Variants in SS18 observed in about 807,000 individuals in gnomAD.
SS18 encodes SS18 subunit of BAF chromatin remodeling complex.
SS18 carries 28 observed loss-of-function variants against 72.5 expected under a neutral mutation model. The observed-to-expected ratio is 0.39, with a 90% CI of 0.29 to 0.53. The LOEUF is 0.53. Among genes scored for constraint, SS18 ranks in the 20% least tolerant of loss-of-function variants. The pLI is 0.76. For synonymous variants in SS18, 172 were observed against 164.2 expected (o/e 1.05, Z -0.37); for missense variants, 518 against 535.3 (o/e 0.97, Z 0.32).
intron 7 of SS18, among the ~76,000 whole-genome samples, chr18:26,037,267 C>A (rs934853536): frequency 6.6e-6 from 1 of 151,894 alleles, no homozygotes; most frequent in East Asian, 1.9e-4. Flanking sequence ...AAGGTTATAA[C>A]AATACACATG....
rs540738105 is a variant in SS18, at chr18:26,080,328, T to A, written c.147-2168A>T. On this transcript the variant is annotated intron_variant, in intron 2 of 10. Coordinates refer to ENST00000415083, the MANE Select transcript of SS18 (RefSeq NM_001007559.3). ...ACCTGTTTCAGTCTAGGCCTTCAAG[T>A]TTTCCTTTGCTTGAGTATTAGTATG... The A allele has an allele frequency of 6.2e-5, 61 of 985,368 alleles. No individual in the cohort carries two copies. In the African/African-American group the frequency reaches 1.0e-3, roughly 17 times the overall value. The allele number at this position is 985,368 out of a possible 1,614,324, so 61.0% of individuals were successfully genotyped here. A position where few individuals can be genotyped will look rare whatever the true frequency, so the allele number is the denominator to read the frequency against.
chr18:26,043,137 T>G (rs2053758974), intron 5 of SS18, among the ~76,000 whole-genome samples: 1 of 152,070 alleles, frequency 6.6e-6, no homozygotes, highest in Admixed American at 6.6e-5. Context: ...ACAACAACAT[T>G]TTAAGGCTCA....
At chr18:26,030,235 G>A (rs1323918037) in intron 10 of SS18, among the ~76,000 whole-genome samples, 1 of 152,026 alleles carries the variant, frequency 6.6e-6, no homozygotes. Flanking sequence ...TCTTCCCCAT[G>A]CTTCTGCTTT....
rs763831615 is a variant in SS18, at chr18:26,035,964, C to T, written c.881-41G>A. Reference sequence around the variant, plus strand: ...AAGAGACAGGAAGAAACGTTAATGGCCACTGAGTGAAAACCCTAAAAATAT... The same window carrying T: ...AAGAGACAGGAAGAAACGTTAATGGTCACTGAGTGAAAACCCTAAAAATAT... On this transcript the variant is annotated intron_variant, in intron 7 of 10. Transcript: ENST00000415083. This position sits in a 1 kb window ranked among gnomAD's most constrained non-coding sequence, Gnocchi z 4.4. 1 of 1,273,964 alleles carries T rather than the reference C, an allele frequency of 7.8e-7. No individual in the cohort carries two copies. Among genetic ancestry groups the T allele is most frequent in the East Asian group, 2.4e-5 (1 of 41,588 alleles). 78.9% of individuals were successfully genotyped at this position (1,273,964 alleles called of 1,614,324 possible). A position where few individuals can be genotyped will look rare whatever the true frequency, so the allele number is the denominator to read the frequency against.
At chr18:26,063,762 C>T (rs371563974) in intron 3 of SS18, among the ~76,000 whole-genome samples, 14 of 151,936 alleles carry the variant, frequency 9.2e-5, no homozygotes, top group African/African-American at 3.1e-4. Context: ...GCAAATCAAA[C>T]CCAAAGTAGT....
chr18:26,039,457 C>T lies in SS18; in HGVS notation c.608-1G>A. 6.2e-7 allele frequency: 1 copy of T among 1,612,034 alleles called. No homozygotes were observed. Among genetic ancestry groups the T allele is most frequent in the Non-Finnish European group, 8.5e-7 (1 of 1,178,748 alleles). On this transcript the variant is annotated splice_acceptor_variant, in intron 5 of 10. Transcript: ENST00000415083. LOFTEE classifies it high-confidence loss of function. ...GGAGGCTGCTGATGCATCATTGGAC[C>T]TGAAACAAGACACAACATTATACAC...
chr18:26,087,417 T>C (rs1715167067), intron 2 of SS18, 84 bp downstream of exon 2: 2 of 749,012 alleles, frequency 2.7e-6, no homozygotes, highest in African/African-American at 3.6e-5. Context: ...ATGTGAATTA[T>C]ATCTCAATAA....
At chr18:26,023,029 A>G (rs1397855259) in intron 10 of SS18, among the ~76,000 whole-genome samples, 1 of 152,220 alleles carries the variant, frequency 6.6e-6, no homozygotes, top group Non-Finnish European at 1.5e-5. Context: ...GCAATTTCAG[A>G]AAGTTCAAAC....
At chr18:26,022,238 G>C (rs2053364532) in intron 10 of SS18, among the ~76,000 whole-genome samples, 1 of 152,042 alleles carries the variant, frequency 6.6e-6, no homozygotes, top group Non-Finnish European at 1.5e-5. Flanking sequence ...CTGATTATGT[G>C]CTGTGCTCTA....
In SS18 at chr18:26,050,010, G is replaced by C. The variant is rs188040465; in HGVS notation, c.607+2614C>G. Among the ~76,000 whole-genome samples, 33 of 152,342 alleles carry C rather than the reference G, an allele frequency of 2.2e-4. 1 individual carries two copies. In the South Asian group the frequency reaches 3.1e-3, roughly 14 times the overall value. The stretch of plus-strand genomic sequence containing the variant: ...GCCTGTAATCCCAACACTTCGGGAG[G>C]CTGAGGTGGATGGATGGCTTGAGGT... On this transcript the variant is annotated intron_variant, in intron 5 of 10. Coordinates refer to ENST00000415083, the MANE Select transcript of SS18 (RefSeq NM_001007559.3).
intron 3 of SS18, among the ~76,000 whole-genome samples, chr18:26,069,151 T>C (rs1001273418): frequency 2.0e-5 from 3 of 152,202 alleles, no homozygotes; most frequent in Non-Finnish European, 4.4e-5. Flanking sequence ...CCCCTTTCCA[T>C]TGATATCCTC....
chr18:26,068,204 A>G (rs2054252819), intron 3 of SS18: 2 of 152,220 alleles, frequency 1.3e-5, no homozygotes, highest in African/African-American at 4.8e-5. Flanking sequence ...AACATTATTA[A>G]AATACGAAAT....
rs745862153 is a variant in SS18, at chr18:26,032,489, T to C, written c.1140A>G (p.Pro380=). The C allele has an allele frequency of 2.5e-6, 4 of 1,613,740 alleles. No homozygotes were observed. The highest frequency in any genetic ancestry group is 8.5e-7 in the Non-Finnish European group (1 of 1,179,858). The change falls in exon 10 of 11, where the codon CCA becomes CCG. Residue 380 remains proline (P), a synonymous_variant. Transcript: ENST00000415083. ...CTCCATACTGCTGACCTTGTCCCTG[T>C]GGGTAGTTAGGATACTGAGGACCTG... The part of the protein sequence containing the change: ...GGPGPQYPNY[P]QGQGQQYGGY...
intron 5 of SS18, among the ~76,000 whole-genome samples, chr18:26,045,164 C>G (rs904691762): frequency 6.6e-6 from 1 of 152,194 alleles, no homozygotes; most frequent in Non-Finnish European, 1.5e-5. Flanking sequence ...CACCCTTGCC[C>G]AATTACAGCC....
At chr18:26,027,868 A>G (rs925418740) in intron 10 of SS18, among the ~76,000 whole-genome samples, 5 of 151,978 alleles carry the variant, frequency 3.3e-5, no homozygotes, top group Non-Finnish European at 4.4e-5. Context: ...AAGAAAGTAC[A>G]GGAGAAAATC....
intron 3 of SS18, among the ~76,000 whole-genome samples, chr18:26,066,600 G>GCACA (rs35011668): frequency 0.024 from 3,465 of 144,390 alleles, 110 homozygotes; most frequent in African/African-American, 0.081. Context: ...GGAAATTTGT[G>GCACA]CACACACACA....
At chr18:26,087,719 C>CTGT in intron 1 of SS18, 142 bp from the exon 2 acceptor site, 1 of 469,240 alleles carries the variant, frequency 2.1e-6, no homozygotes, top group South Asian at 4.9e-5. Context: ...AATACTGTCC[C>CTGT]CTGCAAACAA....
In SS18 at chr18:26,018,303, G is replaced by C. The variant is rs369639822; in HGVS notation, c.*51C>G. On this transcript the variant is annotated 3_prime_UTR_variant, in exon 11 of 11. Transcript: ENST00000415083. ...ACAGGGAGGTGTCCACAGTGCTGAG[G>C]TGACAATATGGCTGCTAATAGATAC... 2 of 1,529,282 alleles carry C rather than the reference G, an allele frequency of 1.3e-6. No homozygotes were observed. Among genetic ancestry groups the C allele is most frequent in the East Asian group, 4.5e-5 (2 of 44,266 alleles). The allele number at this position is 1,529,282 out of a possible 1,614,324, so 94.7% of individuals were successfully genotyped here.
chr18:26,042,944 A>T (rs2053755941), intron 5 of SS18, among the ~76,000 whole-genome samples: 2 of 152,274 alleles, frequency 1.3e-5, no homozygotes, highest in Middle Eastern at 3.4e-3. Context: ...CCAATACACT[A>T]AAATTTTATA....
Sources: allele counts gnomAD v4.1 joint callset (sites outside exome capture counted in the v4.1 genomes callset), GRCh38; gene constraint gnomAD v4.1.1; non-coding constraint Gnocchi (gnomAD v3.1); transcripts MANE v1.5; gene names NCBI Gene and HGNC (gene_info 2026-07-23, HGNC 2026-07-21).